Variants in DPP10 observed in about 807,000 individuals in gnomAD.
The protein encoded by DPP10 is inactive dipeptidyl peptidase 10.
DPP10 carries 33 observed loss-of-function variants against 120.9 expected under a neutral mutation model. That is an observed-to-expected ratio of 0.27 (90% CI 0.21 to 0.37). The LOEUF is 0.37. DPP10 is among the 10% of genes least tolerant of loss of function. DPP10 has a pLI of 1.00. For missense variants in DPP10, 816 were observed against 942.8 expected (o/e 0.87, Z 1.76); for synonymous variants, 337 against 326.1 (o/e 1.03, Z -0.36).
At chr2:115,326,796 G>A (rs1412354962) in intron 2 of DPP10, among the ~76,000 whole-genome samples, 1 of 152,044 alleles carries the variant, frequency 6.6e-6, no homozygotes, top group Non-Finnish European at 1.5e-5. Flanking sequence ...GTTGTCAAAT[G>A]TGTTTTTAAG....
chr2:114,897,039 T>C (rs1360446029), intron 1 of DPP10, among the ~76,000 whole-genome samples: 1 of 152,184 alleles, frequency 6.6e-6, no homozygotes, highest in African/African-American at 2.4e-5. Context: ...GGATTACATT[T>C]ATTGATTTGC....
intron 1 of DPP10, among the ~76,000 whole-genome samples, chr2:114,477,387 A>ATAT (rs1429809017): frequency 6.6e-6 from 1 of 152,098 alleles, no homozygotes; most frequent in Non-Finnish European, 1.5e-5. Flanking sequence ...AATTTTATGA[A>ATAT]ATACTACATA....
At chr2:114,796,483 T>TAA (rs961791714) in intron 1 of DPP10, among the ~76,000 whole-genome samples, 81 of 152,088 alleles carry the variant, frequency 5.3e-4, no homozygotes, top group African/African-American at 1.8e-3. Flanking sequence ...AATATATATA[T>TAA]AACATACAAA....
At chr2:114,817,877 GA>G (rs1685769078) in intron 1 of DPP10, among the ~76,000 whole-genome samples, 1 of 152,148 alleles carries the variant, frequency 6.6e-6, no homozygotes, top group South Asian at 2.1e-4. Flanking sequence ...AAAGCTTTTA[GA>G]AATGTGTATT....
intron 1 of DPP10, among the ~76,000 whole-genome samples, chr2:114,951,594 A>G (rs1026798517): frequency 4.6e-5 from 7 of 152,202 alleles, no homozygotes; most frequent in Non-Finnish European, 8.8e-5. Context: ...AGGTTTTTTA[A>G]TAAGAAGAAC....
At chr2:114,559,010 A>T (rs1428219382) in intron 1 of DPP10, among the ~76,000 whole-genome samples, 2 of 152,158 alleles carry the variant, frequency 1.3e-5, no homozygotes, top group Non-Finnish European at 2.9e-5. Context: ...GTCCAAATAC[A>T]TCTCCATGTC....
chr2:115,268,030 A>G lies in DPP10; in HGVS notation c.61-41209A>G, dbSNP rs188243487. ...TATTTTATGAATCATATTAAAATCT[A>G]TAGGTGGCTTTTAACCATACTTTAT... On this transcript the variant is annotated intron_variant, in intron 1 of 25. Transcript: ENST00000410059. 4.7e-4 allele frequency among the ~76,000 whole-genome samples: 72 copies of G among 152,332 alleles called. 2 individuals carry two copies. The highest frequency in any genetic ancestry group is 4.6e-3 in the Admixed American group (70 of 15,312).
At chr2:114,558,595 AGCT>A in intron 1 of DPP10, among the ~76,000 whole-genome samples, 1 of 152,354 alleles carries the variant, frequency 6.6e-6, no homozygotes, top group Admixed American at 6.5e-5. Flanking sequence ...TCAAACAAAA[AGCT>A]CCTCTAAAGC....
intron 1 of DPP10, among the ~76,000 whole-genome samples, chr2:114,689,863 GCC>G (rs1467830014): frequency 2.6e-5 from 4 of 151,766 alleles, no homozygotes; most frequent in African/African-American, 9.7e-5. Flanking sequence ...ATGTTGGTTG[GCC>G]GCGTGTATGT....
chr2:114,736,766 A>G (rs1558686518), intron 1 of DPP10, among the ~76,000 whole-genome samples: 2 of 152,168 alleles, frequency 1.3e-5, no homozygotes, highest in Non-Finnish European at 2.9e-5. Flanking sequence ...TAAACATTTC[A>G]TTGTAGTTTG....
At chr2:115,691,448 G>T (rs943010858) in intron 7 of DPP10, among the ~76,000 whole-genome samples, 2 of 151,982 alleles carry the variant, frequency 1.3e-5, no homozygotes, top group Admixed American at 6.6e-5. Context: ...GCCAACAATT[G>T]TCCTGAAACC....
At chr2:115,809,038 A>G (rs1259521929) in intron 19 of DPP10, among the ~76,000 whole-genome samples, 4 of 152,206 alleles carry the variant, frequency 2.6e-5, no homozygotes, top group Admixed American at 2.6e-4. Context: ...TATCTTAACA[A>G]TATCCCTAAT....
chr2:114,516,563 T>C (rs774292495), intron 1 of DPP10, among the ~76,000 whole-genome samples: 1 of 152,246 alleles, frequency 6.6e-6, no homozygotes, highest in Non-Finnish European at 1.5e-5. Flanking sequence ...ATATGTCTAC[T>C]AGGAGAAATG....
chr2:115,273,495 C>A (rs369460166), intron 1 of DPP10, among the ~76,000 whole-genome samples: 127 of 152,268 alleles, frequency 8.3e-4, no homozygotes, highest in African/African-American at 2.8e-3. Flanking sequence ...CGCCACCATG[C>A]CTGGCTAATT....
intron 5 of DPP10, among the ~76,000 whole-genome samples, chr2:115,537,635 A>G (rs965549411): frequency 3.5e-5 from 5 of 144,894 alleles, no homozygotes; most frequent in Non-Finnish European, 6.0e-5. Flanking sequence ...GCAGTAGTAT[A>G]TTAGGAAAAT....
chr2:115,674,054 A>G (rs981397405), intron 5 of DPP10, among the ~76,000 whole-genome samples: 3 of 151,360 alleles, frequency 2.0e-5, no homozygotes, highest in Non-Finnish European at 4.4e-5. Flanking sequence ...TCTACAAACA[A>G]AACAAAACAA....
chr2:114,571,736 A>G (rs557246511), intron 1 of DPP10, among the ~76,000 whole-genome samples: 2 of 151,816 alleles, frequency 1.3e-5, no homozygotes, highest in Non-Finnish European at 2.9e-5. Flanking sequence ...AGAGGTTTGA[A>G]TGAACTCTCT....
intron 5 of DPP10, among the ~76,000 whole-genome samples, chr2:115,537,926 TCA>T (rs1386731398): frequency 1.3e-5 from 2 of 151,950 alleles, no homozygotes; most frequent in Non-Finnish European, 1.5e-5. Flanking sequence ...ACTGAGAACC[TCA>T]GTTTTTCCAT....
At chr2:115,574,099 T>G (rs2081512141) in intron 5 of DPP10, among the ~76,000 whole-genome samples, 1 of 152,090 alleles carries the variant, frequency 6.6e-6, no homozygotes. Flanking sequence ...GGAACCACGG[T>G]GTCACTTCAT....
Sources: allele counts gnomAD v4.1 joint callset (sites outside exome capture counted in the v4.1 genomes callset), GRCh38; gene constraint gnomAD v4.1.1; transcripts MANE v1.5; gene names NCBI Gene and HGNC (gene_info 2026-07-23, HGNC 2026-07-21).